USP39: variants seen among roughly 807,000 people sequenced by gnomAD.
The protein encoded by USP39 is ubiquitin carboxyl-terminal hydrolase 39.
USP39 carries 38 observed loss-of-function variants against 66.4 expected under a neutral mutation model. The observed-to-expected ratio is 0.57, with a 90% CI of 0.44 to 0.75. The LOEUF (loss-of-function observed/expected upper bound fraction) is 0.75, where lower values mean the gene tolerates loss of function less well. USP39 is among the 30% of genes least tolerant of loss of function. The pLI, the probability that USP39 is intolerant of heterozygous loss-of-function variation, is 0.00. For missense variants in USP39, 608 were observed against 714.4 expected, an observed-to-expected ratio of 0.85 and a Z score of 1.70; for synonymous variants, 303 against 274.6, an observed-to-expected ratio of 1.10 and a Z score of -1.02.
At chr2:85,611,613 A>G, upstream of USP39, 1 of 1,557,852 alleles carries the variant, frequency 6.4e-7, no homozygotes, top group East Asian at 2.4e-5. Flanking sequence ...AGAGAAGGGG[A>G]GTGCGTTGCA....
At chr2:85,626,027 AAG>A (rs1457087062) in intron 5 of USP39, among the ~76,000 whole-genome samples, 1 of 150,976 alleles carries the variant, frequency 6.6e-6, no homozygotes, top group Non-Finnish European at 1.5e-5. Context: ...AGAAAAAAAA[AAG>A]AGAGGGACAG....
In USP39 at chr2:85,645,273, G is replaced by A. The variant is rs1676554202; in HGVS notation, c.1563+190G>A. ...TTGGCTACACATTGGACTCACCTTG[G>A]GAGCTTTTTTTTTTTTTTTTTGAGA... On this transcript the variant is annotated intron_variant, in intron 11 of 12. Coordinates refer to ENST00000323701, the MANE Select transcript of USP39 (RefSeq NM_006590.4). 6 of 654,786 alleles carry A rather than the reference G, an allele frequency of 9.2e-6. 1 individual carries two copies. The highest frequency in any genetic ancestry group is 6.7e-5 in the Admixed American group (2 of 29,930). The allele number at this position is 654,786 out of a possible 1,614,324, so 40.6% of individuals were successfully genotyped here.
Position 85,644,999 on chromosome 2 carries a change from G to T in USP39, c.1479G>T (p.Lys493Asn), listed in dbSNP as rs904894205. 1 of 1,614,144 alleles carries T rather than the reference G, an allele frequency of 6.2e-7. No individual in the cohort carries two copies. The highest frequency in any genetic ancestry group is 1.7e-5 in the Admixed American group (1 of 60,008). ...CTGAAGAAGTACAAGCAGTACACAA[G>T]AATACCACCTATGACCTCATTGCCA... ...YLSEEVQAVH[K>N]NTTYDLIANI... Residue 493 changes from lysine (K) to asparagine (N), a missense_variant, in exon 11 of 13, where the codon AAG becomes AAT. Physicochemically the swap from Lys to Asn is moderately conservative, Grantham distance 94. Around this residue, in one of 6 missense-constraint regions of USP39, gnomAD observed 164 missense variants for 250.3 expected, o/e 0.66. Transcript: ENST00000323701.
At chr2:85,647,770 C>T (rs1197547182) in intron 11 of USP39, among the ~76,000 whole-genome samples, 160 bp from the exon 12 acceptor site, 13 of 152,118 alleles carry the variant, frequency 8.5e-5, no homozygotes, top group Admixed American at 7.9e-4. Flanking sequence ...TTAATTGAAT[C>T]ATGGCCAGAA....
chr2:85,621,354 T>A lies in USP39; in HGVS notation c.339-131T>A. On this transcript the variant is annotated intron_variant, in intron 2 of 12. Coordinates refer to ENST00000323701, the MANE Select transcript of USP39 (RefSeq NM_006590.4). ...GAGGAATAATCAGTGTCCCCCATGG[T>A]GTATATATGGTTGTGAACTGTTTTC... The A allele has an allele frequency of 7.3e-6, 5 of 687,048 alleles. No homozygotes were observed. The South Asian group carries it at 8.8e-5, about 12-fold the overall frequency. 42.6% of individuals were successfully genotyped at this position (687,048 alleles called of 1,614,324 possible).
In USP39 at chr2:85,641,038, T is replaced by C; in HGVS notation, c.1347T>C (p.Tyr449=). 1 of 1,613,936 alleles carries C rather than the reference T, an allele frequency of 6.2e-7. No homozygotes were observed. Among genetic ancestry groups the C allele is most frequent in the Non-Finnish European group, 8.5e-7 (1 of 1,179,894 alleles). Residue 449 remains tyrosine (Y), a synonymous_variant, in exon 10 of 13, where the codon TAT becomes TAC. Coordinates refer to ENST00000323701, the MANE Select transcript of USP39 (RefSeq NM_006590.4). ...TCCAGCTTACCAAGTTGCCTCCATA[T>C]CTAATCTTTTGTATCAAGAGATTCA... The part of the protein sequence containing the change: ...KRFQLTKLPP[Y]LIFCIKRFTK...
chr2:85,639,508 G>T (rs1676070296), intron 9 of USP39, 117 bp downstream of exon 9: 2 of 1,111,458 alleles, frequency 1.8e-6, no homozygotes, highest in Non-Finnish European at 2.5e-6. Context: ...AGGCTGGAGT[G>T]CAGTGGCGTG....
chr2:85,631,754 TGTTTG>T (rs911185101), intron 6 of USP39, among the ~76,000 whole-genome samples: 1 of 152,034 alleles, frequency 6.6e-6, no homozygotes, highest in African/African-American at 2.4e-5. Context: ...TGTTTTGTTT[TGTTTG>T]TTTTTTTGAG....
At chr2:85,616,536 C>A in intron 1 of USP39, 73 bp downstream of exon 1, 1 of 1,341,590 alleles carries the variant, frequency 7.5e-7, no homozygotes, top group Non-Finnish European at 9.6e-7. Context: ...CTCTAATCTT[C>A]CGCTAGGTCA....
chr2:85,612,479 A>G, upstream of USP39: 1 of 955,488 alleles, frequency 1.0e-6, no homozygotes, highest in East Asian at 3.6e-5. Context: ...CCTCAAATGG[A>G]TTGTGAGGCC....
In USP39 at chr2:85,637,437, G is replaced by C. The variant is rs111588602; in HGVS notation, c.1095+1G>C. On this transcript the variant is annotated splice_donor_variant, in intron 8 of 12. Coordinates refer to ENST00000323701, the MANE Select transcript of USP39 (RefSeq NM_006590.4). LOFTEE classifies it high-confidence loss of function. ...TAAAAAGCTTCCCCATCCTGATCTG[G>C]TGAGTTAATTGAGCCTGGGTCTTGG... 2.5e-6 allele frequency: 4 copies of C among 1,614,130 alleles called. No individual in the cohort carries two copies. Among genetic ancestry groups the C allele is most frequent in the Non-Finnish European group, 2.5e-6 (3 of 1,179,988 alleles).
intron 2 of USP39, among the ~76,000 whole-genome samples, 168 bp downstream of exon 2, chr2:85,619,457 A>G (rs1006936394): frequency 1.3e-5 from 2 of 151,838 alleles, no homozygotes; most frequent in Non-Finnish European, 2.9e-5. Flanking sequence ...TTAAAGTGTC[A>G]GAACACATGT....
At chr2:85,603,200 C>T (rs928392394) in intron 1 of USP39, 53 of 152,340 alleles carry the variant, frequency 3.5e-4, no homozygotes, top group African/African-American at 1.3e-3. Flanking sequence ...ATCCAAGCGC[C>T]TGGGATTTGG....
chr2:85,619,289 G>A lies in USP39; in HGVS notation c.338G>A (p.Arg113Lys). The A allele has an allele frequency of 6.2e-7, 1 of 1,613,256 alleles. No individual in the cohort carries two copies. The highest frequency in any genetic ancestry group is 8.5e-7 in the Non-Finnish European group (1 of 1,179,710). ...RHCPYLDTIN[R>K]SVLDFDFEKL... Reference sequence around the variant, plus strand: ...TGCCCGTACCTGGACACCATTAACAGGTCAGTAGGACAGAGATGCTGAGTA... The same window carrying A: ...TGCCCGTACCTGGACACCATTAACAAGTCAGTAGGACAGAGATGCTGAGTA... The change falls in exon 2 of 13, where the codon AGG (arginine) becomes AAG (lysine). Residue 113 changes from arginine to lysine, a missense_variant and splice_region_variant. Coordinates refer to ENST00000323701, the MANE Select transcript of USP39 (RefSeq NM_006590.4).
chr2:85,613,460 C>A (rs1306117616), upstream of USP39, among the ~76,000 whole-genome samples: 1 of 151,974 alleles, frequency 6.6e-6, no homozygotes, highest in Non-Finnish European at 1.5e-5. Flanking sequence ...TGCAGTCAGC[C>A]GAGATCGAGC....
chr2:85,609,174 T>G, upstream of USP39: 1 of 1,456,718 alleles, frequency 6.9e-7, no homozygotes, highest in Admixed American at 2.2e-5. Flanking sequence ...CAAGGCTTTT[T>G]GCCAGCACCT....
intron 9 of USP39, 31 bp downstream of exon 9, chr2:85,639,422 A>G (rs1460018428): frequency 1.2e-5 from 19 of 1,558,046 alleles, no homozygotes; most frequent in Non-Finnish European, 1.6e-5. Context: ...CCCTGCCTAT[A>G]CTTACCCTCG....
intron 10 of USP39, 30 bp downstream of exon 10, chr2:85,641,148 C>T (rs375784503): frequency 2.1e-5 from 33 of 1,608,528 alleles, no homozygotes; most frequent in South Asian, 5.6e-5. Flanking sequence ...ACTTCTCTCA[C>T]GGGGAGTGAA....
chr2:85,616,052 A>G (rs1573386965), upstream of USP39: 10 of 1,292,690 alleles, frequency 7.7e-6, no homozygotes, highest in East Asian at 1.2e-4. Context: ...AGCACCGCCC[A>G]CAAATTTTCT....
Sources: gnomAD v4.1 joint callset for allele counts (sites outside exome capture counted in the v4.1 genomes callset) on GRCh38, gnomAD v4.1.1 for gene constraint, gnomAD v4.1.1 regional missense constraint, MANE v1.5 for transcripts, NCBI Gene and HGNC (gene_info 2026-07-23, HGNC 2026-07-21) for gene names.